The following GCNT1 variants were observed in gnomAD, a reference collection of about 807,000 sequenced individuals.
The protein encoded by GCNT1 is glucosaminyl (N-acetyl) transferase 1, also known as beta-1,3-galactosyl-O-glycosyl-glycoprotein beta-1,6-N-acetylglucosaminyltransferase.
Under a neutral mutation model 26.2 loss-of-function variants are expected in GCNT1, and 16 were observed. The ratio of observed to expected loss-of-function variants is 0.61; its 90% CI spans 0.41 to 0.93. The LOEUF is 0.93. Among genes scored for constraint, GCNT1 ranks in the 40% least tolerant of loss-of-function variants. The pLI is 0.00. For synonymous variants in GCNT1, 183 were observed against 190.8 expected, an observed-to-expected ratio of 0.96 and a Z score of 0.34; for missense variants, 477 against 526.7, an observed-to-expected ratio of 0.91 and a Z score of 0.92.
intron 1 of GCNT1, among the ~76,000 whole-genome samples, chr9:76,430,945 C>A (rs1276367497): frequency 6.6e-6 from 1 of 152,206 alleles, no homozygotes; most frequent in East Asian, 1.9e-4. Context: ...CTTGGCCTCC[C>A]AAAGTGCCGG....
At chr9:76,492,716 T>A (rs1824780112) in intron 2 of GCNT1, among the ~76,000 whole-genome samples, 1 of 151,674 alleles carries the variant, frequency 6.6e-6, no homozygotes, top group Admixed American at 6.6e-5. Context: ...CAATCTTTTT[T>A]AAAGTATTTC....
At chr9:76,489,954 A>G (rs1333903918) in intron 2 of GCNT1, among the ~76,000 whole-genome samples, 2 of 152,196 alleles carry the variant, frequency 1.3e-5, no homozygotes, top group Non-Finnish European at 2.9e-5. Context: ...TCCATTTGTA[A>G]GATCATCTGT....
chr9:76,457,256 T>A (rs557690881), upstream of GCNT1, among the ~76,000 whole-genome samples: 955 of 152,270 alleles, frequency 6.3e-3, 5 homozygotes, highest in Middle Eastern at 0.017. Context: ...TTAATTAATT[T>A]ATTTATTTTT....
chr9:76,407,303 T>G, the GCNT1 span, among the ~76,000 whole-genome samples: 1 of 152,156 alleles, frequency 6.6e-6, no homozygotes, highest in Non-Finnish European at 1.5e-5. Flanking sequence ...GTATAAAGTC[T>G]ATGTCTAGAT....
In GCNT1 at chr9:76,503,211, C is replaced by A; in HGVS notation, c.830C>A (p.Pro277Gln). The A allele has an allele frequency of 6.2e-7, 1 of 1,614,110 alleles. No homozygotes were observed. Among genetic ancestry groups the A allele is most frequent in the Non-Finnish European group, 8.5e-7 (1 of 1,179,998 alleles). The change falls in exon 4 of 4, where the codon CCA (proline) becomes CAA (glutamine). Residue 277 changes from proline (P) to glutamine (Q), a missense_variant. Coordinates refer to ENST00000376730, the MANE Select transcript of GCNT1 (RefSeq NM_001490.5). ...ACAGGGACTGTCAAAATGCTTCCTC[C>A]ACTCGAAACACCTCTCTTTTCTGGC... is the stretch of plus-strand genomic sequence containing the variant. ...TNTGTVKMLPPLETPLFSGSA... is the reference protein window; with the variant it reads ...TNTGTVKMLPQLETPLFSGSA...
chr9:76,470,460 C>T (rs1034664292), intron 2 of GCNT1, among the ~76,000 whole-genome samples: 2 of 151,914 alleles, frequency 1.3e-5, no homozygotes, highest in African/African-American at 4.8e-5. Flanking sequence ...CAGAAATTAG[C>T]TGGGTGTGGT....
intron 2 of GCNT1, among the ~76,000 whole-genome samples, chr9:76,495,178 A>G (rs1014072891): frequency 3.9e-5 from 6 of 152,204 alleles, no homozygotes; most frequent in African/African-American, 1.4e-4. Context: ...TGTGTCCAGC[A>G]TTGGTTCCTT....
intron 2 of GCNT1, among the ~76,000 whole-genome samples, chr9:76,470,149 GTA>G (rs1470999392): frequency 6.6e-6 from 1 of 152,064 alleles, no homozygotes; most frequent in African/African-American, 2.4e-5. Flanking sequence ...AAATGTAACT[GTA>G]TAGATATGCC....
In GCNT1 at chr9:76,460,094, A is replaced by G. The variant is rs1823839312; in HGVS notation, c.-373A>G. The G allele has an allele frequency of 6.6e-6, 1 of 152,092 alleles. No individual in the cohort carries two copies. Among genetic ancestry groups the G allele is most frequent in the Non-Finnish European group, 1.5e-5 (1 of 68,042 alleles). The allele number at this position is 152,092 out of a possible 1,614,324, so 9.4% of individuals were successfully genotyped here. Reference sequence around the variant, plus strand: ...CGCAGCACAGGCACCCTCGCCTGTCACGCCTCCCTCTCCTCTTCCCGTCTC... The same window carrying G: ...CGCAGCACAGGCACCCTCGCCTGTCGCGCCTCCCTCTCCTCTTCCCGTCTC... On this transcript the variant is annotated 5_prime_UTR_variant, in exon 2 of 4. Coordinates refer to ENST00000376730, the MANE Select transcript of GCNT1 (RefSeq NM_001490.5).
intron 2 of GCNT1, among the ~76,000 whole-genome samples, chr9:76,481,220 C>CATAT (rs1035100139): frequency 6.6e-6 from 1 of 151,388 alleles, no homozygotes; most frequent in East Asian, 1.9e-4. Context: ...TAAATAAATA[C>CATAT]ATATATATAT....
At chr9:76,407,015 T>G in the GCNT1 span, among the ~76,000 whole-genome samples, 1 of 152,214 alleles carries the variant, frequency 6.6e-6, no homozygotes, top group Non-Finnish European at 1.5e-5. Flanking sequence ...CACTTCAGCC[T>G]GGGCAGCAGA....
upstream of GCNT1, among the ~76,000 whole-genome samples, chr9:76,454,789 T>C (rs1823726896): frequency 6.6e-6 from 1 of 151,538 alleles, no homozygotes; most frequent in Admixed American, 6.6e-5. Flanking sequence ...AAAAGTTTCC[T>C]GAGGCCCCCC....
At chr9:76,486,002 G>T (rs1365058546) in intron 2 of GCNT1, among the ~76,000 whole-genome samples, 2 of 152,240 alleles carry the variant, frequency 1.3e-5, no homozygotes, top group African/African-American at 4.8e-5. Flanking sequence ...AAAGTGCTGG[G>T]ATTATAGGCG....
chr9:76,448,545 A>G (rs1363115444), intron 1 of GCNT1, among the ~76,000 whole-genome samples: 1 of 152,116 alleles, frequency 6.6e-6, no homozygotes, highest in Non-Finnish European at 1.5e-5. Context: ...TGACCAACCT[A>G]CTAACCCAGG....
chr9:76,397,197 G>GT, the GCNT1 span, among the ~76,000 whole-genome samples: 1 of 152,024 alleles, frequency 6.6e-6, no homozygotes, highest in Non-Finnish European at 1.5e-5. Flanking sequence ...CGGAAGAATC[G>GT]CTTGAACCCA....
intron 2 of GCNT1, among the ~76,000 whole-genome samples, chr9:76,482,452 T>C (rs1713101005): frequency 6.8e-6 from 1 of 146,664 alleles, no homozygotes; most frequent in East Asian, 2.1e-4. Context: ...AAACCCTGTC[T>C]CTACTAAAAA....
At chr9:76,456,829 C>A (rs1483383678), upstream of GCNT1, among the ~76,000 whole-genome samples, 2 of 152,066 alleles carry the variant, frequency 1.3e-5, no homozygotes, top group Non-Finnish European at 2.9e-5. Context: ...CAAAAAATTA[C>A]CGGGCATGGT....
chr9:76,494,324 T>G lies in GCNT1; in HGVS notation c.-289-6592T>G, dbSNP rs555944564. Among the ~76,000 whole-genome samples, 54 of 152,072 alleles carry G rather than the reference T, an allele frequency of 3.6e-4. 1 individual carries two copies. The South Asian group carries it at 7.5e-3, about 21-fold the overall frequency. Reference sequence around the variant, plus strand: ...ACACATTCTTGAAAACCTGTTAGAGTCCTAAGCATTCTCCTGTTAGTATTG... The same window carrying G: ...ACACATTCTTGAAAACCTGTTAGAGGCCTAAGCATTCTCCTGTTAGTATTG... On this transcript the variant is annotated intron_variant, in intron 2 of 3. Coordinates refer to ENST00000376730, the MANE Select transcript of GCNT1 (RefSeq NM_001490.5).
At chr9:76,478,350 C>T (rs1010602593) in intron 2 of GCNT1, among the ~76,000 whole-genome samples, 12 of 152,160 alleles carry the variant, frequency 7.9e-5, no homozygotes, top group Admixed American at 7.9e-4. Context: ...GGCATGCCAT[C>T]TTTAAGAGCT....
Sources: gnomAD v4.1 joint callset for allele counts (sites outside exome capture counted in the v4.1 genomes callset) on GRCh38, gnomAD v4.1.1 for gene constraint, MANE v1.5 for transcripts, NCBI Gene and HGNC (gene_info 2026-07-23, HGNC 2026-07-21) for gene names.